The following GRAMD1B variants were observed in gnomAD, a reference collection of about 807,000 sequenced individuals.
GRAMD1B encodes GRAM domain containing 1B, also known as protein Aster-B.
Under a neutral mutation model 99.7 loss-of-function variants are expected in GRAMD1B, and 37 were observed. The observed-to-expected ratio is 0.37, with a 90% confidence interval of 0.29 to 0.49. The LOEUF is 0.49. Among genes scored for constraint, GRAMD1B ranks in the 20% least tolerant of loss-of-function variants. The pLI is 0.98. For synonymous variants in GRAMD1B, 427 were observed against 387.6 expected, an observed-to-expected ratio of 1.10 and a Z score of -1.19; for missense variants, 888 against 1,009.2, an observed-to-expected ratio of 0.88 and a Z score of 1.63.
At chr11:123,420,590 T>C (rs1251045990) in intron 1 of GRAMD1B, among the ~76,000 whole-genome samples, 1 of 152,168 alleles carries the variant, frequency 6.6e-6, no homozygotes, top group East Asian at 1.9e-4. Flanking sequence ...ACTGACTGAA[T>C]TGAATAAGGA....
chr11:123,612,976 G>A (rs1217254519), intron 15 of GRAMD1B, 112 bp downstream of exon 15: 2 of 669,036 alleles, frequency 3.0e-6, no homozygotes, highest in Non-Finnish European at 2.6e-6. Flanking sequence ...ACTGAAAGGT[G>A]AAGTAGTTTC....
At chr11:123,618,021 C>G (rs545653758) in intron 17 of GRAMD1B, among the ~76,000 whole-genome samples, 2 of 152,294 alleles carry the variant, frequency 1.3e-5, no homozygotes, top group South Asian at 4.1e-4. Context: ...CTGCTAACAT[C>G]TGTAAGAGGT....
Position 123,402,105 on chromosome 11 carries a change from TC to T in GRAMD1B, c.-176+43309del, listed in dbSNP as rs1213407830. 5.9e-5 allele frequency among the ~76,000 whole-genome samples: 9 copies of T among 152,292 alleles called. No homozygotes were observed. In the East Asian group the frequency reaches 1.5e-3, roughly 26 times the overall value. On this transcript the variant is annotated intron_variant, in intron 1 of 20. Transcript: ENST00000638157. ...ATCTTGGCTCACTGCAACCTCCGCT[TC>T]CCTGGTTCAAGCGATTCTCCTGCCT...
chr11:123,500,358 G>T (rs1939727465), intron 2 of GRAMD1B, among the ~76,000 whole-genome samples: 1 of 152,110 alleles, frequency 6.6e-6, no homozygotes, highest in South Asian at 2.1e-4. Context: ...AATACCAACA[G>T]ATGTGACCCT....
intron 1 of GRAMD1B, among the ~76,000 whole-genome samples, chr11:123,363,490 T>G (rs966952790): frequency 6.6e-6 from 1 of 152,210 alleles, no homozygotes; most frequent in Non-Finnish European, 1.5e-5. Flanking sequence ...CTCTGGCTTT[T>G]GGGCTTGTTA....
At chr11:123,391,754 C>T (rs1339159556) in intron 1 of GRAMD1B, among the ~76,000 whole-genome samples, 2 of 152,184 alleles carry the variant, frequency 1.3e-5, no homozygotes, top group Non-Finnish European at 2.9e-5. Flanking sequence ...CCACACCCGG[C>T]CAATTTTACT....
At chr11:123,445,454 A>G (rs1244498240) in intron 1 of GRAMD1B, among the ~76,000 whole-genome samples, 1 of 152,018 alleles carries the variant, frequency 6.6e-6, no homozygotes, top group Non-Finnish European at 1.5e-5. Context: ...TTAGGTGACA[A>G]CATGTGTTTT....
chr11:123,374,799 A>G (rs1016203079), intron 1 of GRAMD1B, among the ~76,000 whole-genome samples: 1 of 152,186 alleles, frequency 6.6e-6, no homozygotes, highest in Admixed American at 6.5e-5. Flanking sequence ...TTAAAACATA[A>G]TCTAAGACTC....
chr11:123,409,874 A>G (rs1947979764), intron 1 of GRAMD1B, among the ~76,000 whole-genome samples: 2 of 152,208 alleles, frequency 1.3e-5, no homozygotes. Flanking sequence ...TCTTTCTCCA[A>G]AGGTGTAGTG....
intron 4 of GRAMD1B, among the ~76,000 whole-genome samples, chr11:123,584,983 G>A (rs963967842): frequency 1.3e-5 from 2 of 152,342 alleles, no homozygotes; most frequent in East Asian, 3.9e-4. Flanking sequence ...AAACTGGGTG[G>A]TGGGATTTGG....
rs1205678889 is a variant in GRAMD1B, at chr11:123,444,021, AC to A, written c.374+12856del. Among the ~76,000 whole-genome samples the A allele has an allele frequency of 2.0e-5, 3 of 152,244 alleles. No individual in the cohort carries two copies. The East Asian group carries it at 5.8e-4, about 29-fold the overall frequency. On this transcript the variant is annotated intron_variant, in intron 1 of 19. Coordinates refer to ENST00000635736, the MANE Select transcript of GRAMD1B (RefSeq NM_001387025.1). The stretch of plus-strand genomic sequence containing the variant: ...TCTTATTATGTAGATGAAGTCTCCC[AC>A]ATGGCTGCCCTTAGAGACAATGGAT...
At chr11:123,557,648 T>A (rs1002865469) in intron 2 of GRAMD1B, among the ~76,000 whole-genome samples, 6 of 152,218 alleles carry the variant, frequency 3.9e-5, no homozygotes, top group African/African-American at 1.4e-4. Context: ...TCCATTAAGA[T>A]TGAAAGATCG....
intron 2 of GRAMD1B, among the ~76,000 whole-genome samples, chr11:123,527,441 T>C (rs973824973): frequency 2.6e-5 from 4 of 152,196 alleles, no homozygotes; most frequent in African/African-American, 9.7e-5. Flanking sequence ...AGTGTAACTC[T>C]CAAGAACTGC....
chr11:123,571,419 C>G (rs1422222484), intron 2 of GRAMD1B, among the ~76,000 whole-genome samples: 1 of 152,208 alleles, frequency 6.6e-6, no homozygotes, highest in African/African-American at 2.4e-5. Context: ...TCCTCATCCT[C>G]TTTTTCTACT....
chr11:123,368,391 A>G (rs1946399726), intron 1 of GRAMD1B, among the ~76,000 whole-genome samples: 1 of 151,830 alleles, frequency 6.6e-6, no homozygotes, highest in South Asian at 2.1e-4. Context: ...GGATTGAAAG[A>G]TAAGTTAAGG....
intron 2 of GRAMD1B, among the ~76,000 whole-genome samples, chr11:123,487,873 C>G (rs1050718648): frequency 6.6e-6 from 1 of 152,208 alleles, no homozygotes; most frequent in Admixed American, 6.5e-5. Flanking sequence ...TCCCCAAGTT[C>G]TGGGATTACA....
intron 1 of GRAMD1B, among the ~76,000 whole-genome samples, chr11:123,413,008 C>T (rs1414316457): frequency 6.6e-6 from 1 of 152,144 alleles, no homozygotes; most frequent in East Asian, 1.9e-4. Flanking sequence ...TCTCGAACTC[C>T]TGACTTCAGG....
chr11:123,554,189 A>C (rs936486595), intron 2 of GRAMD1B, among the ~76,000 whole-genome samples: 4 of 152,216 alleles, frequency 2.6e-5, no homozygotes, highest in Admixed American at 6.5e-5. Context: ...GATAAAAGGA[A>C]GGAATACATA....
At chr11:123,461,935 T>TC (rs911411094) in intron 1 of GRAMD1B, among the ~76,000 whole-genome samples, 2 of 150,924 alleles carry the variant, frequency 1.3e-5, no homozygotes, top group Non-Finnish European at 3.0e-5. Context: ...GTGCAGGTTT[T>TC]TTTTTTTTCT....
Sources: allele counts gnomAD v4.1 joint callset (sites outside exome capture counted in the v4.1 genomes callset), GRCh38; gene constraint gnomAD v4.1.1; transcripts MANE v1.5; gene names NCBI Gene and HGNC (gene_info 2026-07-23, HGNC 2026-07-21).